CHD9: variants seen among roughly 807,000 people sequenced by gnomAD.
CHD9 encodes ATP-dependent chromatin remodeler CHD9.
Under a neutral mutation model 316.1 loss-of-function variants are expected in CHD9, and 77 were observed. That is an observed-to-expected ratio of 0.24 (90% CI 0.20 to 0.29). The LOEUF is 0.29. Among genes scored for constraint, CHD9 ranks in the 10% least tolerant of loss-of-function variants. CHD9 has a pLI of 1.00. For missense variants in CHD9, 2,763 were observed against 3,438.1 expected (o/e 0.80, Z 4.91); for synonymous variants, 1,129 against 1,158.3 (o/e 0.97, Z 0.51).
rs12599349 is a variant in CHD9 at position 53,309,159 on chromosome 16, T to G, written c.7222+305T>G. On this transcript the variant is annotated intron_variant, in intron 34 of 38. Coordinates refer to ENST00000447540, the MANE Select transcript of CHD9 (RefSeq NM_001308319.2). ...TTTCAGTATCACAAATTAATGGTGA[T>G]TGGTAGAAGAAATTAAAAAGAGAAG... is the stretch of plus-strand genomic sequence containing the variant. Among the ~76,000 whole-genome samples, 42,052 of 151,988 alleles carry G rather than the reference T, an allele frequency of 0.28. 5,912 individuals carry two copies. Among genetic ancestry groups the G allele is most frequent in the Middle Eastern group, 0.32 (93 of 294 alleles).
chr16:53,275,641 T>C (rs549607042), intron 24 of CHD9, among the ~76,000 whole-genome samples: 1 of 152,330 alleles, frequency 6.6e-6, no homozygotes, highest in South Asian at 2.1e-4. Context: ...ATCTGAGTTA[T>C]GCAGAAACCT....
chr16:53,288,562 G>T (rs2054082026), intron 27 of CHD9, among the ~76,000 whole-genome samples: 1 of 152,164 alleles, frequency 6.6e-6, no homozygotes, highest in Non-Finnish European at 1.5e-5. Context: ...TGTGGTAAAA[G>T]GCTAAATGAC....
intron 1 of CHD9, among the ~76,000 whole-genome samples, chr16:53,114,829 C>T (rs1250267126): frequency 1.3e-5 from 2 of 152,010 alleles, no homozygotes; most frequent in Admixed American, 6.6e-5. Flanking sequence ...CCTCGTGATC[C>T]GCCCGCCTCG....
chr16:53,247,627 A>G, intron 16 of CHD9, 124 bp downstream of exon 16: 1 of 690,062 alleles, frequency 1.4e-6, no homozygotes, highest in Non-Finnish European at 2.4e-6. Context: ...AATGCATTCA[A>G]ATTTATAAGT....
intron 3 of CHD9, among the ~76,000 whole-genome samples, chr16:53,210,042 A>G (rs1430139083): frequency 1.3e-5 from 2 of 152,178 alleles, no homozygotes; most frequent in Non-Finnish European, 2.9e-5. Flanking sequence ...TGTTAATATT[A>G]TTAAAAGGGA....
At chr16:53,185,408 G>A (rs971007194) in intron 2 of CHD9, among the ~76,000 whole-genome samples, 1 of 152,162 alleles carries the variant, frequency 6.6e-6, no homozygotes, top group Non-Finnish European at 1.5e-5. Context: ...GTACTTGAGA[G>A]AGATGATTTA....
At chr16:53,261,103 A>AT (rs1297284291) in intron 19 of CHD9, among the ~76,000 whole-genome samples, 1 of 151,888 alleles carries the variant, frequency 6.6e-6, no homozygotes, top group East Asian at 1.9e-4. Context: ...AGCAAAAAAA[A>AT]AAAAAAGGGA....
Position 53,226,363 on chromosome 16 carries a change from C to T in CHD9, c.1897-3C>T, listed in dbSNP as rs370028859. ...TAAATCTGATTCTTGTGGTTCATTA[C>T]AGAAAAGAAGATCAAATCGACAAAT... is the stretch of plus-strand genomic sequence containing the variant. On this transcript the variant is annotated splice_polypyrimidine_tract_variant and splice_region_variant and intron_variant, in intron 4 of 38. Coordinates refer to ENST00000447540, the MANE Select transcript of CHD9 (RefSeq NM_001308319.2). The T allele has an allele frequency of 4.9e-5, 76 of 1,540,582 alleles. No individual in the cohort carries two copies. Among genetic ancestry groups the T allele is most frequent in the Admixed American group, 1.6e-4 (7 of 44,552 alleles).
At chr16:53,235,121 T>C (rs758551121) in intron 10 of CHD9, 64 bp from the exon 11 acceptor site, 10 of 1,373,800 alleles carry the variant, frequency 7.3e-6, no homozygotes, top group South Asian at 2.7e-5. Flanking sequence ...AAACCAATGC[T>C]TTTTGCCTTC....
intron 2 of CHD9, among the ~76,000 whole-genome samples, chr16:53,203,523 T>C (rs1597411872): frequency 6.6e-6 from 1 of 152,180 alleles, no homozygotes; most frequent in African/African-American, 2.4e-5. Context: ...GCTTGCTATC[T>C]TCTGTTTTAT....
At chr16:53,170,553 G>T (rs192662482) in intron 2 of CHD9, among the ~76,000 whole-genome samples, 20 of 150,366 alleles carry the variant, frequency 1.3e-4, no homozygotes. Context: ...AAAATGCATC[G>T]TGCAGTACTA....
intron 2 of CHD9, among the ~76,000 whole-genome samples, chr16:53,201,289 A>G (rs183902188): frequency 6.6e-6 from 1 of 152,368 alleles, no homozygotes; most frequent in African/African-American, 2.4e-5. Context: ...AAAGTACTGC[A>G]TACTAATGTA....
chr16:53,255,893 C>A, intron 19 of CHD9, 114 bp downstream of exon 19: 1 of 933,814 alleles, frequency 1.1e-6, no homozygotes, highest in Non-Finnish European at 1.6e-6. Flanking sequence ...AGCCAAGATG[C>A]AGTAGGTAAT....
Position 53,157,470 on chromosome 16 carries a change from C to T in CHD9, c.1381C>T (p.Arg461Trp), listed in dbSNP as rs2041598888. 3.1e-6 allele frequency: 5 copies of T among 1,613,784 alleles called. No homozygotes were observed. Among genetic ancestry groups the T allele is most frequent in the Non-Finnish European group, 2.5e-6 (3 of 1,179,854 alleles). The change falls in exon 2 of 39, where the codon CGG becomes TGG. Residue 461 changes from arginine (R) to tryptophan (W), a missense_variant. Around this residue, in one of 15 missense-constraint regions of CHD9, gnomAD observed 859 missense variants for 890.4 expected, o/e 0.96. Transcript: ENST00000447540. Reference sequence around the variant, plus strand: ...TCAGACTCAGTTGCAAAGTCAGGCTCGGAGTTGGCATTCATCATTTTCTAA... The same window carrying T: ...TCAGACTCAGTTGCAAAGTCAGGCTTGGAGTTGGCATTCATCATTTTCTAA... ...MAQTQLQSQA[R>W]SWHSSFSNHQ...
At chr16:53,170,578 CGTGTGTGTGTGTGT>C (rs10593955) in intron 2 of CHD9, among the ~76,000 whole-genome samples, 103 of 140,324 alleles carry the variant, frequency 7.3e-4, no homozygotes, top group East Asian at 4.2e-4. Flanking sequence ...TTTGTAATTT[CGTGTGTGTGTGTGT>C]GTGTGTGTGT....
intron 37 of CHD9, chr16:53,321,142 A>G: frequency 1.1e-6 from 1 of 923,516 alleles, no homozygotes; most frequent in Non-Finnish European, 1.5e-6. Context: ...GGGAAGTATT[A>G]TTGTTATCCC....
chr16:53,163,254 A>G (rs574601887), intron 2 of CHD9, among the ~76,000 whole-genome samples: 1 of 152,222 alleles, frequency 6.6e-6, no homozygotes, highest in Non-Finnish European at 1.5e-5. Context: ...TTTGTTGCCC[A>G]GGCTAAAGTT....
At chr16:53,102,283 G>T (rs1467646406) in intron 1 of CHD9, among the ~76,000 whole-genome samples, 1 of 152,054 alleles carries the variant, frequency 6.6e-6, no homozygotes, top group Non-Finnish European at 1.5e-5. Flanking sequence ...AGAGCCCCTT[G>T]TTTTAGCTTC....
intron 2 of CHD9, among the ~76,000 whole-genome samples, chr16:53,177,874 A>C (rs896438566): frequency 1.3e-5 from 2 of 152,186 alleles, no homozygotes; most frequent in Non-Finnish European, 2.9e-5. Flanking sequence ...ATTCTACTCT[A>C]TTCTACTTGT....
Sources: allele counts gnomAD v4.1 joint callset (sites outside exome capture counted in the v4.1 genomes callset), GRCh38; gene constraint gnomAD v4.1.1; regional missense constraint gnomAD v4.1.1; transcripts MANE v1.5; gene names NCBI Gene and HGNC (gene_info 2026-07-23, HGNC 2026-07-21).